UNC13C: variants seen among roughly 807,000 people sequenced by gnomAD.
UNC13C encodes the protein unc-13 homolog C.
Under a neutral mutation model 245.4 loss-of-function variants are expected in UNC13C, and 174 were observed. The observed-to-expected ratio is 0.71, with a 90% CI of 0.63 to 0.80. The LOEUF (loss-of-function observed/expected upper bound fraction) is 0.80, where lower values mean the gene tolerates loss of function less well. Among genes scored for constraint, UNC13C ranks in the 30% least tolerant of loss-of-function variants. The pLI is 0.00. For synonymous variants in UNC13C, 992 were observed against 895.1 expected (o/e 1.11, Z -1.93); for missense variants, 2,829 against 2,602.9 (o/e 1.09, Z -1.89).
At chr15:54,078,808 G>C (rs1898776749) in intron 2 of UNC13C, among the ~76,000 whole-genome samples, 1 of 151,776 alleles carries the variant, frequency 6.6e-6, no homozygotes. Flanking sequence ...TGCTGTGCAG[G>C]AGCTCTTTAA....
upstream of UNC13C, among the ~76,000 whole-genome samples, chr15:53,976,248 C>G (rs1208952450): frequency 6.6e-6 from 1 of 152,110 alleles, no homozygotes; most frequent in Non-Finnish European, 1.5e-5. Context: ...AATATATGAC[C>G]AGAATCCTGA....
intron 23 of UNC13C, among the ~76,000 whole-genome samples, chr15:54,508,498 A>T (rs1339578388): frequency 6.6e-6 from 1 of 152,160 alleles, no homozygotes; most frequent in African/African-American, 2.4e-5. Context: ...TGTAGGTTTT[A>T]TACTTGGAAA....
intron 25 of UNC13C, among the ~76,000 whole-genome samples, chr15:54,528,222 T>C (rs1353501282): frequency 6.6e-6 from 1 of 152,038 alleles, no homozygotes; most frequent in Non-Finnish European, 1.5e-5. Context: ...TGATATAACC[T>C]CAACAATAAC....
the UNC13C span, among the ~76,000 whole-genome samples, chr15:53,967,331 G>GTTTT: frequency 1.1e-5 from 1 of 88,952 alleles, no homozygotes; most frequent in African/African-American, 4.3e-5. Context: ...TTTTTTTTTT[G>GTTTT]TTGTTTTGTT....
At chr15:54,616,391 CAT>C (rs35493539) in intron 30 of UNC13C, among the ~76,000 whole-genome samples, 21,858 of 151,918 alleles carry the variant, frequency 0.14, 1,595 homozygotes, top group Middle Eastern at 0.23. Context: ...TAACACCACA[CAT>C]GTTTGTGGTA....
intron 30 of UNC13C, among the ~76,000 whole-genome samples, chr15:54,576,695 T>C (rs936709876): frequency 2.6e-4 from 40 of 152,164 alleles, no homozygotes; most frequent in Non-Finnish European, 4.6e-4. Context: ...CATTGCTCTG[T>C]CCTCCCTGTC....
chr15:53,859,478 C>T, the UNC13C span, among the ~76,000 whole-genome samples: 1 of 152,068 alleles, frequency 6.6e-6, no homozygotes, highest in Admixed American at 6.6e-5. Context: ...TTAAACAAAA[C>T]AAATTCTTTG....
At chr15:54,217,089 A>G (rs1032205077) in intron 4 of UNC13C, among the ~76,000 whole-genome samples, 5 of 152,026 alleles carry the variant, frequency 3.3e-5, no homozygotes, top group African/African-American at 7.2e-5. Context: ...AGTCTGGAAC[A>G]ATTAGTACTG....
At chr15:54,313,040 G>A (rs1435064706) in intron 13 of UNC13C, among the ~76,000 whole-genome samples, 1 of 151,694 alleles carries the variant, frequency 6.6e-6, no homozygotes, top group African/African-American at 2.4e-5. Context: ...TGAGTCAGGT[G>A]CAGCTAGCTA....
the UNC13C span, among the ~76,000 whole-genome samples, chr15:53,842,918 A>ATATG: frequency 6.8e-6 from 1 of 147,004 alleles, no homozygotes; most frequent in African/African-American, 2.5e-5. Context: ...ATATATATAT[A>ATATG]ATGTAAAAAT....
At chr15:54,250,064 A>G (rs915972007) in intron 7 of UNC13C, among the ~76,000 whole-genome samples, 161 bp from the exon 8 acceptor site, 4 of 152,222 alleles carry the variant, frequency 2.6e-5, no homozygotes, top group Admixed American at 6.5e-5. Flanking sequence ...ATAGGTTAGC[A>G]GAGTTATTAT....
intron 2 of UNC13C, among the ~76,000 whole-genome samples, chr15:54,042,091 A>T (rs1373858005): frequency 1.3e-5 from 2 of 152,188 alleles, no homozygotes; most frequent in African/African-American, 4.8e-5. Flanking sequence ...TGGGGTGCTT[A>T]ACTGGCATAT....
At chr15:54,582,391 A>G (rs1266308409) in intron 30 of UNC13C, among the ~76,000 whole-genome samples, 3 of 152,130 alleles carry the variant, frequency 2.0e-5, no homozygotes, top group Admixed American at 1.3e-4. Context: ...CATCTAAGTG[A>G]CTATGTCTAC....
intron 1 of UNC13C, among the ~76,000 whole-genome samples, chr15:53,992,609 G>T (rs1202781614): frequency 6.6e-6 from 1 of 152,070 alleles, no homozygotes; most frequent in Admixed American, 6.6e-5. Context: ...TCACAGTCCT[G>T]TTTTTCCTAA....
chr15:54,100,364 T>A (rs1253996064), intron 2 of UNC13C, among the ~76,000 whole-genome samples: 1 of 152,174 alleles, frequency 6.6e-6, no homozygotes, highest in East Asian at 1.9e-4. Context: ...CTTATTGACA[T>A]GTTCTCCACT....
rs1406607345 is a variant in UNC13C at position 54,528,314 on chromosome 15, G to A, written c.5546+2677G>A. Among the ~76,000 whole-genome samples the A allele has an allele frequency of 2.5e-5, 3 of 120,406 alleles. No individual in the cohort carries two copies. The Admixed American group carries it at 2.7e-4, about 11-fold the overall frequency. The allele number at this position is 120,406 out of a possible 152,430, so 79.0% of individuals were successfully genotyped here. A position where few individuals can be genotyped will look rare whatever the true frequency, so the allele number is the denominator to read the frequency against. Reference sequence around the variant, plus strand: ...TGTTTTGCAGTTTGGTTTTTGGTTTGCTCCTTTTTTTTTTTTTTTCTTATT... The same window carrying A: ...TGTTTTGCAGTTTGGTTTTTGGTTTACTCCTTTTTTTTTTTTTTTCTTATT... On this transcript the variant is annotated intron_variant, in intron 25 of 32. Coordinates refer to ENST00000260323, the MANE Select transcript of UNC13C (RefSeq NM_001080534.3).
chr15:54,502,527 A>G (rs1333327229), intron 22 of UNC13C, among the ~76,000 whole-genome samples: 1 of 152,120 alleles, frequency 6.6e-6, no homozygotes, highest in Non-Finnish European at 1.5e-5. Flanking sequence ...CTAATTTCCC[A>G]ATATAGCGAA....
the UNC13C span, among the ~76,000 whole-genome samples, chr15:53,856,979 A>G: frequency 2.0e-5 from 3 of 152,098 alleles, no homozygotes; most frequent in Non-Finnish European, 4.4e-5. Context: ...GGGTGCATAT[A>G]TATTTAGAAT....
chr15:54,026,211 A>G (rs920418648), intron 2 of UNC13C, among the ~76,000 whole-genome samples: 2 of 152,362 alleles, frequency 1.3e-5, no homozygotes, highest in Middle Eastern at 3.4e-3. Flanking sequence ...CCTATCATAT[A>G]TATTGAATCC....
Sources: gnomAD v4.1 joint callset for allele counts (sites outside exome capture counted in the v4.1 genomes callset) on GRCh38, gnomAD v4.1.1 for gene constraint, MANE v1.5 for transcripts, NCBI Gene and HGNC (gene_info 2026-07-23, HGNC 2026-07-21) for gene names.